Variants in AHCYL2 observed in about 807,000 individuals in gnomAD.
The protein encoded by AHCYL2 is S-adenosylhomocysteine hydrolase-like protein 2.
AHCYL2 carries 28 observed loss-of-function variants against 81.4 expected under a neutral mutation model. The observed-to-expected ratio is 0.34, with a 90% CI of 0.25 to 0.47. AHCYL2 has a LOEUF of 0.47. Ranked by LOEUF, AHCYL2 falls within the 20% of genes least tolerant of loss-of-function variation. The pLI, the probability that AHCYL2 is intolerant of heterozygous loss-of-function variation, is 1.00. For missense variants in AHCYL2, 551 were observed against 785.1 expected (o/e 0.70, Z 3.56); for synonymous variants, 272 against 290.2 (o/e 0.94, Z 0.64).
intron 12 of AHCYL2, among the ~76,000 whole-genome samples, chr7:129,418,803 T>C (rs1327032739): frequency 8.5e-5 from 13 of 152,266 alleles, no homozygotes; most frequent in Non-Finnish European, 1.0e-4. Context: ...TGACTAATGA[T>C]AGGGATAACA....
intron 1 of AHCYL2, among the ~76,000 whole-genome samples, chr7:129,277,124 T>G (rs1292754381): frequency 1.3e-5 from 2 of 152,134 alleles, no homozygotes; most frequent in Non-Finnish European, 2.9e-5. Flanking sequence ...AGATGCAATT[T>G]TTACAATAGT....
At chr7:129,306,390 C>T (rs1797443547) in intron 1 of AHCYL2, among the ~76,000 whole-genome samples, 1 of 152,100 alleles carries the variant, frequency 6.6e-6, no homozygotes, top group Non-Finnish European at 1.5e-5. Flanking sequence ...ATGCATTCTT[C>T]AGTGTGTCAA....
intron 1 of AHCYL2, among the ~76,000 whole-genome samples, chr7:129,268,829 A>G (rs1795903499): frequency 6.6e-6 from 1 of 152,244 alleles, no homozygotes. Context: ...TTATTGAGAT[A>G]TAATTTCATA....
At position 129,428,925 on chromosome 7, in the gene AHCYL2, G is replaced by C. The variant is rs981763938; in HGVS notation, c.*1880G>C. The C allele has an allele frequency of 1.1e-4, 16 of 152,088 alleles. No individual in the cohort carries two copies. Among genetic ancestry groups the C allele is most frequent in the African/African-American group, 3.9e-4 (16 of 41,434 alleles). The allele number at this position is 152,088 out of a possible 1,614,324, so 9.4% of individuals were successfully genotyped here. A position where few individuals can be genotyped will look rare whatever the true frequency, so the allele number is the denominator to read the frequency against. ...TTCAGTTCTTCCTTTTGCCTACCTAGTCCTGATTTTTGTATTAATTGGTTC... is the reference window on the plus strand; with the variant it reads ...TTCAGTTCTTCCTTTTGCCTACCTACTCCTGATTTTTGTATTAATTGGTTC... On this transcript the variant is annotated 3_prime_UTR_variant, in exon 17 of 17. Transcript: ENST00000325006.
intron 1 of AHCYL2, among the ~76,000 whole-genome samples, chr7:129,323,173 G>GT (rs1487427586): frequency 6.6e-6 from 1 of 152,076 alleles, no homozygotes; most frequent in Admixed American, 6.6e-5. Flanking sequence ...GGAAACTGAG[G>GT]TTTTTTATCT....
At chr7:129,290,789 G>C (rs946803967) in intron 1 of AHCYL2, among the ~76,000 whole-genome samples, 4 of 151,694 alleles carry the variant, frequency 2.6e-5, no homozygotes, top group African/African-American at 4.8e-5. Flanking sequence ...AATTAGCCGG[G>C]CGCAGTGGCG....
chr7:129,314,784 G>A (rs1436355931), intron 1 of AHCYL2, among the ~76,000 whole-genome samples: 2 of 152,166 alleles, frequency 1.3e-5, no homozygotes, highest in Admixed American at 1.3e-4. Context: ...AATTGAAATA[G>A]AGAACGTAAG....
intron 1 of AHCYL2, among the ~76,000 whole-genome samples, chr7:129,313,871 G>A (rs1339017378): frequency 3.9e-5 from 6 of 152,184 alleles, no homozygotes; most frequent in Non-Finnish European, 7.3e-5. Flanking sequence ...ACTATTATGT[G>A]AAATGATGGT....
chr7:129,335,994 A>G (rs147846973), intron 1 of AHCYL2, among the ~76,000 whole-genome samples: 16 of 151,666 alleles, frequency 1.1e-4, no homozygotes, highest in African/African-American at 3.6e-4. Flanking sequence ...GATGGCTTCT[A>G]TTGAGAATAG....
chr7:129,302,703 A>G (rs1169813087), intron 1 of AHCYL2, among the ~76,000 whole-genome samples: 1 of 152,158 alleles, frequency 6.6e-6, no homozygotes, highest in Non-Finnish European at 1.5e-5. Flanking sequence ...TATCCTTGGG[A>G]TACATCTCAC....
chr7:129,395,805 T>C (rs1285480587), intron 4 of AHCYL2, among the ~76,000 whole-genome samples: 1 of 152,182 alleles, frequency 6.6e-6, no homozygotes, highest in Non-Finnish European at 1.5e-5. Flanking sequence ...GAATGGGAAA[T>C]CTACTTGTGT....
intron 1 of AHCYL2, among the ~76,000 whole-genome samples, chr7:129,347,958 CAAAA>C (rs368952929): frequency 7.6e-4 from 116 of 152,210 alleles, no homozygotes; most frequent in Middle Eastern, 6.8e-3. Flanking sequence ...CTGTGGATTC[CAAAA>C]CAATTTCTGA....
chr7:129,230,172 T>G (rs979069163), intron 1 of AHCYL2, among the ~76,000 whole-genome samples: 2 of 135,694 alleles, frequency 1.5e-5, no homozygotes, highest in African/African-American at 5.6e-5. Context: ...AACCTCCGCC[T>G]CCTGGGTTCA....
At chr7:129,313,977 G>A (rs1797750386) in intron 1 of AHCYL2, among the ~76,000 whole-genome samples, 1 of 152,226 alleles carries the variant, frequency 6.6e-6, no homozygotes, top group East Asian at 1.9e-4. Flanking sequence ...GGTTACCAGG[G>A]CACAGCCATT....
intron 1 of AHCYL2, among the ~76,000 whole-genome samples, chr7:129,231,938 C>CT (rs1014385772): frequency 5.0e-4 from 72 of 144,704 alleles, no homozygotes; most frequent in Admixed American, 1.5e-3. Context: ...ATTTTATTTT[C>CT]TTTTTTTTTT....
At chr7:129,361,610 A>G (rs1365549684) in intron 1 of AHCYL2, among the ~76,000 whole-genome samples, 1 of 152,120 alleles carries the variant, frequency 6.6e-6, no homozygotes, top group Non-Finnish European at 1.5e-5. Context: ...ATTATTAACA[A>G]TAATAGTTAT....
chr7:129,235,321 T>TTGAGTTCAA (rs950030099), intron 1 of AHCYL2, among the ~76,000 whole-genome samples: 1 of 151,948 alleles, frequency 6.6e-6, no homozygotes, highest in African/African-American at 2.4e-5. Flanking sequence ...GTATGATCAC[T>TTGAGTTCAA]GTAAACTTGA....
chr7:129,346,800 G>A (rs1389036801), intron 1 of AHCYL2, among the ~76,000 whole-genome samples: 1 of 152,158 alleles, frequency 6.6e-6, no homozygotes, highest in Non-Finnish European at 1.5e-5. Flanking sequence ...TAAAGGAATT[G>A]AAAACTTATA....
chr7:129,396,666 C>T (rs1029762386), intron 4 of AHCYL2, among the ~76,000 whole-genome samples: 5 of 151,906 alleles, frequency 3.3e-5, no homozygotes, highest in Non-Finnish European at 5.9e-5. Context: ...TCAGGTGATC[C>T]GCCCACCTCA....
Sources: gnomAD v4.1 joint callset for allele counts (sites outside exome capture counted in the v4.1 genomes callset) on GRCh38, gnomAD v4.1.1 for gene constraint, MANE v1.5 for transcripts, NCBI Gene and HGNC (gene_info 2026-07-23, HGNC 2026-07-21) for gene names.